ARMH4: variants seen among roughly 807,000 people sequenced by gnomAD.
The protein encoded by ARMH4 is armadillo-like helical domain-containing protein 4.
Under a neutral mutation model 61.9 loss-of-function variants are expected in ARMH4, and 49 were observed. The observed-to-expected ratio is 0.79, with a 90% CI of 0.63 to 1.00. The LOEUF (loss-of-function observed/expected upper bound fraction) is 1.00. Ranked by LOEUF, ARMH4 falls within the 50% of genes least tolerant of loss-of-function variation. The pLI, the probability that ARMH4 is intolerant of heterozygous loss-of-function variation, is 0.00. For synonymous variants in ARMH4, 368 were observed against 341.5 expected (o/e 1.08, Z -0.85); for missense variants, 934 against 930.0 (o/e 1.00, Z -0.06).
chr14:58,074,532 A>G (rs72714797), intron 5 of ARMH4, among the ~76,000 whole-genome samples: 1 of 152,052 alleles, frequency 6.6e-6, no homozygotes, highest in Non-Finnish European at 1.5e-5. Context: ...ACAAAACAGT[A>G]AATCAAGCTC....
Position 58,096,769 on chromosome 14 carries a change from G to A in ARMH4, c.2044C>T (p.Gln682Ter), listed in dbSNP as rs1291545997. ...TCCCACTCGAGGGCATCTGGCACCTGGTAGGTAGCTCCCTCCAACAGGTCC... is the reference window on the plus strand; with the variant it reads ...TCCCACTCGAGGGCATCTGGCACCTAGTAGGTAGCTCCCTCCAACAGGTCC... ...NMDLLEGATY[Q>*]VPDALEWEQQ... The change falls in exon 5 of 8, where the codon CAG becomes TAG. Residue 682 changes from glutamine to a stop codon, truncating the protein, a stop_gained. Transcript: ENST00000267485. LOFTEE classifies it high-confidence loss of function. 1 of 1,614,074 alleles carries A rather than the reference G, an allele frequency of 6.2e-7. No individual in the cohort carries two copies. Among genetic ancestry groups the A allele is most frequent in the South Asian group, 1.1e-5 (1 of 91,074 alleles).
rs1393326703 is a variant in ARMH4, at chr14:58,072,852, G to C, written c.2089+23872C>G. On this transcript the variant is annotated intron_variant, in intron 5 of 7. Transcript: ENST00000267485. ...GGTGGTGCCTGAGACAAGACCACAG[G>C]GTGTTTGGATGTCACCCTGTCATCA... Among the ~76,000 whole-genome samples the C allele has an allele frequency of 2.0e-5, 3 of 152,076 alleles. No individual in the cohort carries two copies. In the East Asian group the frequency reaches 5.8e-4, roughly 29 times the overall value.
chr14:58,096,021 G>A (rs1885735575), intron 5 of ARMH4, among the ~76,000 whole-genome samples: 1 of 152,164 alleles, frequency 6.6e-6, no homozygotes, highest in African/African-American at 2.4e-5. Flanking sequence ...ACAGACTGGG[G>A]AGCTTCCCTG....
intron 4 of ARMH4, among the ~76,000 whole-genome samples, chr14:58,113,376 G>C (rs1886416453): frequency 6.6e-6 from 1 of 152,104 alleles, no homozygotes; most frequent in Non-Finnish European, 1.5e-5. Flanking sequence ...GTGATGATTA[G>C]AATCTAGGTT....
chr14:58,043,265 T>C (rs1437115715), intron 5 of ARMH4, among the ~76,000 whole-genome samples: 1 of 152,106 alleles, frequency 6.6e-6, no homozygotes, highest in African/African-American at 2.4e-5. Flanking sequence ...CATGATCAAG[T>C]GGGCTTCATC....
intron 5 of ARMH4, among the ~76,000 whole-genome samples, chr14:58,028,860 G>C (rs1883113085): frequency 6.6e-6 from 1 of 152,184 alleles, no homozygotes; most frequent in East Asian, 1.9e-4. Context: ...CATGCTGCTG[G>C]AACCAGAAAT....
intron 4 of ARMH4, among the ~76,000 whole-genome samples, chr14:58,108,762 A>C (rs895686461): frequency 1.3e-5 from 2 of 152,206 alleles, no homozygotes; most frequent in Non-Finnish European, 2.9e-5. Context: ...CATTCCTAAA[A>C]GTGGAATTGC....
At chr14:58,025,436 C>T (rs67453901) in intron 5 of ARMH4, among the ~76,000 whole-genome samples, 1 of 152,006 alleles carries the variant, frequency 6.6e-6, no homozygotes, top group Admixed American at 6.6e-5. Context: ...AGGTGGGAAA[C>T]CTGATTGTTA....
intron 5 of ARMH4, among the ~76,000 whole-genome samples, chr14:58,054,889 T>A (rs961686229): frequency 1.3e-4 from 18 of 141,976 alleles, no homozygotes; most frequent in South Asian, 6.8e-4. Flanking sequence ...AAAAAAATAA[T>A]AATAATAATA....
chr14:58,124,998 C>A (rs1028289261), intron 4 of ARMH4, among the ~76,000 whole-genome samples: 1 of 152,188 alleles, frequency 6.6e-6, no homozygotes, highest in Non-Finnish European at 1.5e-5. Context: ...GAATTCCTAA[C>A]TTCCAAGGGA....
intron 5 of ARMH4, among the ~76,000 whole-genome samples, chr14:58,079,957 T>C (rs548808950): frequency 6.6e-6 from 1 of 152,234 alleles, no homozygotes; most frequent in Admixed American, 6.5e-5. Context: ...AACTGGATTA[T>C]GGTGAAAGAG....
chr14:58,045,411 A>G (rs1249920300), intron 5 of ARMH4, among the ~76,000 whole-genome samples: 1 of 152,184 alleles, frequency 6.6e-6, no homozygotes, highest in Non-Finnish European at 1.5e-5. Context: ...GAATTGAACA[A>G]TGAGAACACC....
At chr14:58,097,352 C>T (rs1163802113) in intron 4 of ARMH4, among the ~76,000 whole-genome samples, 1 of 152,162 alleles carries the variant, frequency 6.6e-6, no homozygotes, top group Non-Finnish European at 1.5e-5. Context: ...ACTAACAGAA[C>T]TTAAAAGAAG....
intron 5 of ARMH4, among the ~76,000 whole-genome samples, chr14:58,065,938 G>T (rs1431928041): frequency 6.6e-6 from 1 of 152,206 alleles, no homozygotes; most frequent in Non-Finnish European, 1.5e-5. Flanking sequence ...CAGCTGTCAA[G>T]ATACTGAATT....
chr14:58,149,649 T>A (rs555687426), intron 1 of ARMH4, among the ~76,000 whole-genome samples: 41 of 152,330 alleles, frequency 2.7e-4, no homozygotes, highest in African/African-American at 9.4e-4. Context: ...TATCATCTCA[T>A]CCCTGGTAAA....
At chr14:58,149,399 T>C (rs931947471) in intron 1 of ARMH4, among the ~76,000 whole-genome samples, 1 of 151,792 alleles carries the variant, frequency 6.6e-6, no homozygotes, top group African/African-American at 2.4e-5. Context: ...GGAGAAGGAG[T>C]AAGTAACCAC....
chr14:58,114,622 G>A (rs1176952561), intron 4 of ARMH4, among the ~76,000 whole-genome samples: 3 of 152,114 alleles, frequency 2.0e-5, no homozygotes, highest in African/African-American at 7.2e-5. Context: ...TAGGTCCAAC[G>A]AGCTGAGTGA....
chr14:58,116,255 T>C (rs1252788710), intron 4 of ARMH4: 4 of 157,926 alleles, frequency 2.5e-5, no homozygotes, highest in Middle Eastern at 5.3e-4. Context: ...ATTTCCTCCA[T>C]TGTAGCCTTA....
intron 5 of ARMH4, among the ~76,000 whole-genome samples, chr14:58,082,186 A>T (rs887216246): frequency 2.0e-5 from 3 of 152,006 alleles, no homozygotes; most frequent in African/African-American, 7.2e-5. Flanking sequence ...TCCCAAGAAC[A>T]CTCTGGGTTT....
Sources: allele counts gnomAD v4.1 joint callset (sites outside exome capture counted in the v4.1 genomes callset), GRCh38; gene constraint gnomAD v4.1.1; transcripts MANE v1.5; gene names NCBI Gene and HGNC (gene_info 2026-07-23, HGNC 2026-07-21).